ROBO1: variants seen among roughly 807,000 people sequenced by gnomAD.
ROBO1 encodes the protein roundabout guidance receptor 1.
A neutral mutation model predicts 195.9 loss-of-function variants in ROBO1; 149 were observed. That is an observed-to-expected ratio of 0.76 (90% CI 0.67 to 0.87). ROBO1 has a LOEUF of 0.87. Among genes scored for constraint, ROBO1 ranks in the 40% least tolerant of loss-of-function variants. The probability of loss-of-function intolerance (pLI) is 0.00; values close to 1 mark genes in which losing one functional copy is unlikely to be tolerated. For synonymous variants in ROBO1, 816 were observed against 733.2 expected, an observed-to-expected ratio of 1.11 and a Z score of -1.82; for missense variants, 1,933 against 2,068.3, an observed-to-expected ratio of 0.93 and a Z score of 1.27.
At chr3:79,015,636 T>C (rs1244067938) in intron 3 of ROBO1, among the ~76,000 whole-genome samples, 2 of 152,098 alleles carry the variant, frequency 1.3e-5, no homozygotes, top group South Asian at 2.1e-4. Context: ...TGTCTGTCCA[T>C]AGAAAAGGCA....
At chr3:78,666,838 T>C (rs1163729037) in intron 14 of ROBO1, among the ~76,000 whole-genome samples, 1 of 152,198 alleles carries the variant, frequency 6.6e-6, no homozygotes, top group Non-Finnish European at 1.5e-5. Context: ...TAAGTCTCAG[T>C]CATCTTGTGT....
chr3:78,801,217 T>C (rs1011763082), intron 4 of ROBO1, among the ~76,000 whole-genome samples: 4 of 152,332 alleles, frequency 2.6e-5, no homozygotes, highest in African/African-American at 4.8e-5. Flanking sequence ...TGTATTGCCA[T>C]AGAAAGGATT....
chr3:78,993,870 T>C (rs570508741), intron 3 of ROBO1, among the ~76,000 whole-genome samples: 12 of 152,236 alleles, frequency 7.9e-5, no homozygotes, highest in East Asian at 1.9e-4. Context: ...TGGTTTTTTT[T>C]CCCACAAAAT....
intron 1 of ROBO1, among the ~76,000 whole-genome samples, chr3:79,714,214 A>C (rs1702387050): frequency 6.6e-6 from 1 of 152,178 alleles, no homozygotes; most frequent in South Asian, 2.1e-4. Flanking sequence ...TCTCAAAAGA[A>C]GACATTTATG....
chr3:79,395,321 CAAAAAAAAA>C (rs71631647), intron 2 of ROBO1, among the ~76,000 whole-genome samples: 1 of 50,166 alleles, frequency 2.0e-5, no homozygotes, highest in Non-Finnish European at 4.5e-5. Context: ...GACTCCGTCT[CAAAAAAAAA>C]AAAAAAAAAA....
rs982716098 is a variant in ROBO1 at position 78,721,042 on chromosome 3, A to T, written c.658-3159T>A. On this transcript the variant is annotated intron_variant, in intron 5 of 30. Transcript: ENST00000464233. ...CAGCACACCAACATGGCACATGTAT[A>T]CATATGTAACAAACCTGCAGGTTGT... Among the ~76,000 whole-genome samples the T allele has an allele frequency of 1.4e-4, 21 of 152,118 alleles. 1 individual carries two copies. The highest frequency in any genetic ancestry group is 4.4e-5 in the Non-Finnish European group (3 of 68,032).
intron 5 of ROBO1, among the ~76,000 whole-genome samples, chr3:78,720,902 C>G (rs544369124): frequency 6.7e-6 from 1 of 148,926 alleles, no homozygotes; most frequent in Non-Finnish European, 1.5e-5. Context: ...AATGAGAACA[C>G]TTGGACACAG....
At chr3:79,096,483 G>A (rs1279347378) in intron 3 of ROBO1, among the ~76,000 whole-genome samples, 1 of 151,760 alleles carries the variant, frequency 6.6e-6, no homozygotes, top group Non-Finnish European at 1.5e-5. Flanking sequence ...ACCCAAATAT[G>A]TAATCTGGTG....
At chr3:79,332,678 A>G (rs1390697112) in intron 2 of ROBO1, among the ~76,000 whole-genome samples, 5 of 152,184 alleles carry the variant, frequency 3.3e-5, no homozygotes, top group Non-Finnish European at 5.9e-5. Context: ...TGGAAAATCT[A>G]CACTGTCAGT....
chr3:78,817,987 T>G (rs996715652), intron 4 of ROBO1, among the ~76,000 whole-genome samples: 1 of 152,138 alleles, frequency 6.6e-6, no homozygotes, highest in African/African-American at 2.4e-5. Flanking sequence ...ACTGGTTATA[T>G]CAAAATACAG....
chr3:78,605,355 G>A (rs924601913), intron 29 of ROBO1, among the ~76,000 whole-genome samples: 2 of 152,150 alleles, frequency 1.3e-5, no homozygotes, highest in Admixed American at 6.5e-5. Context: ...CTAGTGGTGT[G>A]TTGGAGCAGG....
chr3:79,173,532 G>T (rs1282543679), intron 2 of ROBO1, among the ~76,000 whole-genome samples: 1 of 152,026 alleles, frequency 6.6e-6, no homozygotes, highest in South Asian at 2.1e-4. Context: ...GGCCCACCGG[G>T]TTCTCACTGG....
At chr3:79,150,093 C>T (rs1052579457) in intron 2 of ROBO1, among the ~76,000 whole-genome samples, 2 of 151,742 alleles carry the variant, frequency 1.3e-5, no homozygotes, top group African/African-American at 4.8e-5. Context: ...AGTTGCAGTT[C>T]AGATTTTCCC....
chr3:79,203,190 C>A (rs2108783408), intron 2 of ROBO1, among the ~76,000 whole-genome samples: 1 of 152,262 alleles, frequency 6.6e-6, no homozygotes, highest in Admixed American at 6.5e-5. Flanking sequence ...ATCTGGAAAT[C>A]GCATCCAAGC....
chr3:78,949,973 A>C (rs1263766787), intron 3 of ROBO1, among the ~76,000 whole-genome samples: 1 of 152,186 alleles, frequency 6.6e-6, no homozygotes, highest in Non-Finnish European at 1.5e-5. Flanking sequence ...ACCATCTCAC[A>C]CCAGTTAGAA....
intron 3 of ROBO1, among the ~76,000 whole-genome samples, chr3:79,107,127 T>TCTCTCTCCCCCCCCC (rs1370578718): frequency 2.6e-4 from 35 of 136,438 alleles, no homozygotes; most frequent in African/African-American, 8.2e-4. Context: ...TCTCTCTCTC[T>TCTCTCTCCCCCCCCC]CACACACACA....
At chr3:78,709,912 T>A (rs1045774149) in intron 8 of ROBO1, among the ~76,000 whole-genome samples, 1 of 152,212 alleles carries the variant, frequency 6.6e-6, no homozygotes, top group African/African-American at 2.4e-5. Context: ...CCAATGCACA[T>A]GTAATGCAAT....
At chr3:79,664,658 A>C (rs72893968) in intron 1 of ROBO1, among the ~76,000 whole-genome samples, 4,931 of 152,082 alleles carry the variant, frequency 0.032, 226 homozygotes, top group African/African-American at 0.1. Flanking sequence ...ATACCACCTG[A>C]ACAGAATTGC....
intron 2 of ROBO1, among the ~76,000 whole-genome samples, chr3:79,177,569 C>G (rs1230671029): frequency 6.6e-6 from 1 of 152,194 alleles, no homozygotes; most frequent in Non-Finnish European, 1.5e-5. Flanking sequence ...CTCTCATGGA[C>G]TGAAGGACAA....
Sources: gnomAD v4.1 joint callset for allele counts (sites outside exome capture counted in the v4.1 genomes callset) on GRCh38, gnomAD v4.1.1 for gene constraint, MANE v1.5 for transcripts, NCBI Gene and HGNC (gene_info 2026-07-23, HGNC 2026-07-21) for gene names.